TSPAN14: variants seen among roughly 807,000 people sequenced by gnomAD.
TSPAN14 encodes the protein tetraspanin-14.
In TSPAN14, 16 loss-of-function variants were observed where a neutral mutation model predicts 36.6. That is an observed-to-expected ratio of 0.44 (90% CI 0.30 to 0.66). The LOEUF is 0.66. Ranked by LOEUF, TSPAN14 falls within the 30% of genes least tolerant of loss-of-function variation. The probability of loss-of-function intolerance (pLI) is 0.12; values close to 1 mark genes in which losing one functional copy is unlikely to be tolerated. For synonymous variants in TSPAN14, 139 were observed against 143.8 expected (o/e 0.97, Z 0.24); for missense variants, 231 against 355.1 (o/e 0.65, Z 2.81).
Position 80,509,615 on chromosome 10 carries a change from C to T in TSPAN14, c.450+144C>T, listed in dbSNP as rs1840502266. The T allele has an allele frequency of 3.7e-6, 3 of 814,416 alleles. No individual in the cohort carries two copies. Among genetic ancestry groups the T allele is most frequent in the Non-Finnish European group, 1.9e-6 (1 of 527,376 alleles). 50.4% of individuals were successfully genotyped at this position (814,416 alleles called of 1,614,324 possible). ...AGCAGGGAGGCCGTGGAACAAGCCA[C>T]TCCACCTCTGGTCTGTTCCACTTTG... On this transcript the variant is annotated intron_variant, in intron 5 of 8. Transcript: ENST00000429989. This position sits in a 1 kb window ranked among gnomAD's most constrained non-coding sequence, Gnocchi z 4.7.
intron 2 of TSPAN14, among the ~76,000 whole-genome samples, chr10:80,497,387 TG>T (rs1244131513): frequency 6.6e-6 from 1 of 152,250 alleles, no homozygotes; most frequent in Non-Finnish European, 1.5e-5. Context: ...GCCTTCCGCC[TG>T]TTTTTACACA....
intron 1 of TSPAN14, chr10:80,485,579 A>T: frequency 1.0e-6 from 1 of 965,096 alleles, no homozygotes; most frequent in Non-Finnish European, 1.2e-6. Context: ...TGGAGTCCTA[A>T]TGAGTCTCCC....
chr10:80,474,328 C>T (rs1846731004), intron 1 of TSPAN14, among the ~76,000 whole-genome samples: 1 of 151,414 alleles, frequency 6.6e-6, no homozygotes, highest in African/African-American at 2.4e-5. Flanking sequence ...TGGGTGTTGT[C>T]ATTGTCACTT....
intron 6 of TSPAN14, among the ~76,000 whole-genome samples, 162 bp from the exon 7 acceptor site, chr10:80,513,857 T>C (rs1482748321): frequency 6.6e-6 from 1 of 152,220 alleles, no homozygotes; most frequent in Non-Finnish European, 1.5e-5. Flanking sequence ...TTTGCCACCC[T>C]GTCCTGGTCT....
intron 2 of TSPAN14, among the ~76,000 whole-genome samples, chr10:80,500,166 A>G (rs529265233): frequency 6.6e-6 from 1 of 152,082 alleles, no homozygotes; most frequent in Non-Finnish European, 1.5e-5. Context: ...CTCTGAAACC[A>G]GGTTTGTTGG....
chr10:80,469,132 G>C (rs559724681), intron 1 of TSPAN14, among the ~76,000 whole-genome samples: 2 of 152,028 alleles, frequency 1.3e-5, no homozygotes, highest in African/African-American at 4.8e-5. Flanking sequence ...CTGCTGGTGA[G>C]GTTATCTTTG....
chr10:80,454,622 G>A (rs550294401), intron 1 of TSPAN14, among the ~76,000 whole-genome samples: 1 of 151,974 alleles, frequency 6.6e-6, no homozygotes, highest in African/African-American at 2.4e-5. Flanking sequence ...CCGCGCGGAC[G>A]AGAGCCGCGG....
At chr10:80,508,094 G>A (rs11185829) in intron 4 of TSPAN14, among the ~76,000 whole-genome samples, 25,513 of 150,210 alleles carry the variant, frequency 0.17, 2,560 homozygotes, top group South Asian at 0.3. Flanking sequence ...GTGTGCATAT[G>A]TGTGTTTCCT....
chr10:80,520,415 G>T (rs552909085), exon 9 of TSPAN14: 38 of 412,662 alleles, frequency 9.2e-5, no homozygotes, highest in Admixed American at 5.9e-5. Flanking sequence ...TCGGCTGTCC[G>T]CACAGAGGCA....
intron 1 of TSPAN14, among the ~76,000 whole-genome samples, chr10:80,476,409 G>GTTTTTTTTTTT (rs60589813): frequency 4.7e-5 from 4 of 85,046 alleles, no homozygotes; most frequent in Non-Finnish European, 9.0e-5. Flanking sequence ...TTGTTTTACT[G>GTTTTTTTTTTT]TTTTTTTTTT....
chr10:80,511,461 C>G (rs866788136), intron 5 of TSPAN14, among the ~76,000 whole-genome samples: 1 of 152,112 alleles, frequency 6.6e-6, no homozygotes, highest in Non-Finnish European at 1.5e-5. Flanking sequence ...GAGGGGGCCA[C>G]AAAGGAGAGG....
At chr10:80,476,407 CT>C (rs1418870654) in intron 1 of TSPAN14, among the ~76,000 whole-genome samples, 2 of 116,380 alleles carry the variant, frequency 1.7e-5, no homozygotes, top group African/African-American at 7.4e-5. Flanking sequence ...AGTTGTTTTA[CT>C]GTTTTTTTTT....
intron 1 of TSPAN14, among the ~76,000 whole-genome samples, chr10:80,454,758 C>G (rs543144323): frequency 1.0e-3 from 157 of 152,320 alleles, no homozygotes; most frequent in African/African-American, 3.3e-3. Context: ...GCTCGGGGCT[C>G]TGCTTCTCGT....
intron 5 of TSPAN14, among the ~76,000 whole-genome samples, chr10:80,511,710 TCCTCTCTCTC>T (rs1840634034): frequency 1.9e-5 from 1 of 52,274 alleles, no homozygotes; most frequent in Non-Finnish European, 3.7e-5. Context: ...AAAGGGCAGG[TCCTCTCTCTC>T]TCTCTCTCTC....
intron 6 of TSPAN14, among the ~76,000 whole-genome samples, chr10:80,513,440 C>T (rs1456716128): frequency 6.6e-6 from 1 of 152,172 alleles, no homozygotes; most frequent in Non-Finnish European, 1.5e-5. Context: ...AGGAGAGGCT[C>T]AGATTTGCTG....
chr10:80,516,575 T>C (rs1172520986), intron 8 of TSPAN14, among the ~76,000 whole-genome samples: 1 of 152,190 alleles, frequency 6.6e-6, no homozygotes, highest in African/African-American at 2.4e-5. Flanking sequence ...GAGGGGCTTG[T>C]GGCCCTGCAC....
chr10:80,498,493 G>T (rs1264302902), intron 2 of TSPAN14, among the ~76,000 whole-genome samples: 1 of 152,156 alleles, frequency 6.6e-6, no homozygotes, highest in East Asian at 1.9e-4. Flanking sequence ...CCAGAAGGCC[G>T]TATTTCCCTA....
chr10:80,454,684 C>G (rs1002477559), intron 1 of TSPAN14, among the ~76,000 whole-genome samples: 1 of 152,110 alleles, frequency 6.6e-6, no homozygotes, highest in Non-Finnish European at 1.5e-5. Flanking sequence ...CATCAGCGCG[C>G]CCCGGCGAGT....
At chr10:80,520,770 C>T (rs538881690) in exon 9 of TSPAN14, 16 of 533,522 alleles carry the variant, frequency 3.0e-5, no homozygotes, top group Admixed American at 1.4e-4. Context: ...CCATGCCCCA[C>T]GTAGCTGAAA....
Sources: allele counts gnomAD v4.1 joint callset (sites outside exome capture counted in the v4.1 genomes callset), GRCh38; gene constraint gnomAD v4.1.1; non-coding constraint Gnocchi (gnomAD v3.1); transcripts MANE v1.5; gene names NCBI Gene and HGNC (gene_info 2026-07-23, HGNC 2026-07-21).